The following DCC variants were observed in gnomAD, a reference collection of about 807,000 sequenced individuals.
The protein encoded by DCC is netrin receptor DCC.
DCC carries 58 observed loss-of-function variants against 172.5 expected under a neutral mutation model. That is an observed-to-expected ratio of 0.34 (90% CI 0.27 to 0.42). The LOEUF (loss-of-function observed/expected upper bound fraction) is 0.42. Among genes scored for constraint, DCC ranks in the 10% least tolerant of loss-of-function variants. DCC has a pLI of 1.00. For missense variants in DCC, 1,740 were observed against 1,791.0 expected (o/e 0.97, Z 0.51); for synonymous variants, 709 against 644.5 (o/e 1.10, Z -1.52).
chr18:52,661,890 C>A (rs574836537), intron 1 of DCC, among the ~76,000 whole-genome samples: 1 of 152,036 alleles, frequency 6.6e-6, no homozygotes, highest in East Asian at 1.9e-4. Flanking sequence ...GAACAGGTAG[C>A]TATAAAATAA....
rs767996658 is a variant in DCC, at chr18:52,427,815, T to TCTTCCTTCCTTCCTTCCTTTCTTCCTTC, written c.91+86957_91+86984dup. Reference sequence around the variant, plus strand: ...GTAAACTAACTTTCTTTTCTTCCTTTCTTCCTTCCTTCCTTCCTTTCTTCC... The same window carrying TCTTCCTTCCTTCCTTCCTTTCTTCCTTC: ...GTAAACTAACTTTCTTTTCTTCCTTTCTTCCTTCCTTCCTTCCTTTCTTCCTTCCTTCCTTCCTTCCTTCCTTTCTTCC... On this transcript the variant is annotated intron_variant, in intron 1 of 28. Coordinates refer to ENST00000442544, the MANE Select transcript of DCC (RefSeq NM_005215.4). 7.7e-4 allele frequency among the ~76,000 whole-genome samples: 87 copies of TCTTCCTTCCTTCCTTCCTTTCTTCCTTC among 113,072 alleles called. 2 individuals carry two copies. Among genetic ancestry groups the TCTTCCTTCCTTCCTTCCTTTCTTCCTTC allele is most frequent in the African/African-American group, 3.6e-3 (87 of 24,354 alleles). The allele number at this position is 113,072 out of a possible 152,430, so 74.2% of individuals were successfully genotyped here.
intron 2 of DCC, among the ~76,000 whole-genome samples, chr18:52,814,044 T>A (rs911626569): frequency 3.3e-5 from 5 of 152,208 alleles, no homozygotes; most frequent in South Asian, 2.1e-4. Flanking sequence ...AATGAATTCC[T>A]CATAAGAATA....
intron 12 of DCC, among the ~76,000 whole-genome samples, chr18:53,276,810 A>T (rs78659907): frequency 4.7e-4 from 71 of 152,302 alleles, no homozygotes; most frequent in African/African-American, 1.7e-3. Flanking sequence ...GGTAGTAAAG[A>T]AACATTGAAT....
chr18:52,602,974 C>G (rs992425949), intron 1 of DCC, among the ~76,000 whole-genome samples: 25 of 152,038 alleles, frequency 1.6e-4, no homozygotes, highest in Admixed American at 1.6e-3. Flanking sequence ...ACCTATTGAT[C>G]AGTACAAAAA....
intron 3 of DCC, among the ~76,000 whole-genome samples, chr18:52,918,463 A>T (rs1183589005): frequency 6.6e-6 from 1 of 152,156 alleles, no homozygotes; most frequent in Non-Finnish European, 1.5e-5. Context: ...TTGCTCTTAA[A>T]TATGTGCCTC....
intron 3 of DCC, among the ~76,000 whole-genome samples, chr18:52,918,823 A>G (rs1408969983): frequency 1.3e-5 from 2 of 152,192 alleles, no homozygotes; most frequent in Non-Finnish European, 2.9e-5. Flanking sequence ...CTAAAAATCA[A>G]ACTGAAATAA....
chr18:53,056,531 C>G (rs1487302840), intron 5 of DCC, among the ~76,000 whole-genome samples: 1 of 152,152 alleles, frequency 6.6e-6, no homozygotes, highest in Non-Finnish European at 1.5e-5. Flanking sequence ...TATTTTGATA[C>G]TGCACTTGAA....
chr18:53,191,916 G>A (rs1475809900), intron 9 of DCC, among the ~76,000 whole-genome samples: 7 of 152,206 alleles, frequency 4.6e-5, no homozygotes, highest in Non-Finnish European at 7.4e-5. Flanking sequence ...CAGGGTTCCC[G>A]TATTCAGTTT....
intron 25 of DCC, among the ~76,000 whole-genome samples, chr18:53,485,912 C>T (rs999919003): frequency 6.6e-6 from 1 of 151,828 alleles, no homozygotes. Context: ...ATTGGCATTA[C>T]CATCTAAATA....
At chr18:53,115,974 G>T (rs957333975) in intron 7 of DCC, among the ~76,000 whole-genome samples, 1 of 151,492 alleles carries the variant, frequency 6.6e-6, no homozygotes, top group Non-Finnish European at 1.5e-5. Flanking sequence ...CGGGGTTGAG[G>T]GGGGTGCTGT....
rs577990185 is a variant in DCC, at chr18:52,786,590, G to T, written c.412+34216G>T. ...TACATAGCTCTTTTGGATTGGCTTA[G>T]ATGGAACTCAGTTCCACAAGGAATC... On this transcript the variant is annotated intron_variant, in intron 2 of 28. Transcript: ENST00000442544. 5.9e-5 allele frequency among the ~76,000 whole-genome samples: 9 copies of T among 152,242 alleles called. No individual in the cohort carries two copies. In the South Asian group the frequency reaches 1.9e-3, roughly 32 times the overall value.
intron 2 of DCC, among the ~76,000 whole-genome samples, chr18:52,823,315 G>A (rs1000234140): frequency 7.9e-5 from 12 of 152,066 alleles, no homozygotes; most frequent in East Asian, 5.8e-4. Flanking sequence ...GAAAACATCC[G>A]TACTCTACTG....
At chr18:53,193,468 T>C (rs1035811931) in intron 9 of DCC, among the ~76,000 whole-genome samples, 2 of 149,042 alleles carry the variant, frequency 1.3e-5, no homozygotes, top group African/African-American at 5.2e-5. Flanking sequence ...AACAAACTTA[T>C]CTGGTAAGCA....
At chr18:53,459,555 C>A (rs2045526071) in intron 24 of DCC, 97 bp downstream of exon 24, 1 of 812,500 alleles carries the variant, frequency 1.2e-6, no homozygotes, top group Non-Finnish European at 2.1e-6. Flanking sequence ...TACTAATTTG[C>A]ATGTCATTAT....
At chr18:53,482,244 T>A (rs752461587) in intron 25 of DCC, among the ~76,000 whole-genome samples, 2 of 152,188 alleles carry the variant, frequency 1.3e-5, no homozygotes, top group Non-Finnish European at 1.5e-5. Context: ...AATAAAATAC[T>A]TCAAGATCGA....
rs1417256885 is a variant in DCC, at chr18:53,085,945, G to A, written c.1261+19779G>A. Among the ~76,000 whole-genome samples, 3 of 143,638 alleles carry A rather than the reference G, an allele frequency of 2.1e-5. 1 individual carries two copies. The highest frequency in any genetic ancestry group is 5.2e-5 in the African/African-American group (2 of 38,154). The allele number at this position is 143,638 out of a possible 152,430, so 94.2% of individuals were successfully genotyped here. On this transcript the variant is annotated intron_variant, in intron 7 of 28. Transcript: ENST00000442544. Reference sequence around the variant, plus strand: ...CCAGACCTCTGTCATTTCAGCTTTGGTGGAGTATTTTCTCTTCTTCTTCTT... The same window carrying A: ...CCAGACCTCTGTCATTTCAGCTTTGATGGAGTATTTTCTCTTCTTCTTCTT...
At chr18:52,852,221 CTAT>C (rs909462341) in intron 2 of DCC, among the ~76,000 whole-genome samples, 5 of 151,998 alleles carry the variant, frequency 3.3e-5, no homozygotes, top group Admixed American at 6.6e-5. Flanking sequence ...AGGATTGGTA[CTAT>C]TATTGACACA....
At chr18:52,632,163 T>A (rs1212243194) in intron 1 of DCC, among the ~76,000 whole-genome samples, 3 of 152,210 alleles carry the variant, frequency 2.0e-5, no homozygotes, top group Non-Finnish European at 4.4e-5. Flanking sequence ...TGAGAATAAA[T>A]TACTCAATTG....
rs146516843 is a variant in DCC at position 52,711,393 on chromosome 18, A to C, written c.92-40661A>C. 2.3e-3 allele frequency among the ~76,000 whole-genome samples: 348 copies of C among 152,242 alleles called. 4 individuals are homozygous for C. Among genetic ancestry groups the C allele is most frequent in the Admixed American group, 0.021 (318 of 15,286 alleles). Reference sequence around the variant, plus strand: ...CAGGCATCCACCACCAACCCCGGCTAATGAGGCCTTGTCTATTTCACTGCT... The same window carrying C: ...CAGGCATCCACCACCAACCCCGGCTCATGAGGCCTTGTCTATTTCACTGCT... On this transcript the variant is annotated intron_variant, in intron 1 of 28. Coordinates refer to ENST00000442544, the MANE Select transcript of DCC (RefSeq NM_005215.4).
Sources: allele counts gnomAD v4.1 joint callset (sites outside exome capture counted in the v4.1 genomes callset), GRCh38; gene constraint gnomAD v4.1.1; transcripts MANE v1.5; gene names NCBI Gene and HGNC (gene_info 2026-07-23, HGNC 2026-07-21).